The following SYNPR variants were observed in gnomAD, a reference collection of about 807,000 sequenced individuals.
SYNPR encodes the protein synaptoporin.
A neutral mutation model predicts 32.9 loss-of-function variants in SYNPR; 23 were observed. The observed-to-expected ratio is 0.70, with a 90% CI of 0.50 to 0.99. The LOEUF (loss-of-function observed/expected upper bound fraction) is 0.99, where lower values mean the gene tolerates loss of function less well. SYNPR is among the 50% of genes least tolerant of loss of function. SYNPR has a pLI of 0.00. For missense variants in SYNPR, 318 were observed against 349.3 expected (o/e 0.91, Z 0.71); for synonymous variants, 146 against 135.9 (o/e 1.07, Z -0.52).
At chr3:63,599,640 C>T (rs1045187463) in intron 4 of SYNPR, among the ~76,000 whole-genome samples, 2 of 152,080 alleles carry the variant, frequency 1.3e-5, no homozygotes, top group Admixed American at 1.3e-4. Context: ...GTATCCCTGT[C>T]GGTTAAGTGA....
chr3:63,261,101 C>G (rs1261245692), intron 2 of SYNPR, among the ~76,000 whole-genome samples: 1 of 152,112 alleles, frequency 6.6e-6, no homozygotes, highest in Non-Finnish European at 1.5e-5. Flanking sequence ...AATAGGAACA[C>G]TTTTACACTG....
Position 63,447,204 on chromosome 3 carries a change from T to A in SYNPR, c.85-33628T>A, listed in dbSNP as rs1005079621. ...AAATATATTGTGCTCAACCACAGTG[T>A]TCATCAAATATAGACTATCCCTAAA... On this transcript the variant is annotated intron_variant, in intron 2 of 5. Transcript: ENST00000478300. 2.0e-5 allele frequency among the ~76,000 whole-genome samples: 3 copies of A among 152,308 alleles called. No homozygotes were observed. The South Asian group carries it at 6.2e-4, about 32-fold the overall frequency.
intron 2 of SYNPR, among the ~76,000 whole-genome samples, chr3:63,408,346 AAGAAAG>A (rs1379081746): frequency 6.7e-6 from 1 of 148,380 alleles, no homozygotes; most frequent in Non-Finnish European, 1.5e-5. Flanking sequence ...GAAAGAAAGA[AAGAAAG>A]AAAGAAAGAA....
intron 2 of SYNPR, among the ~76,000 whole-genome samples, chr3:63,328,677 A>G (rs555037191): frequency 1.3e-5 from 2 of 152,222 alleles, no homozygotes; most frequent in South Asian, 4.1e-4. Context: ...AAAAATAAAC[A>G]TCCAATTGGA....
At chr3:63,550,519 TAAC>T (rs1246352608) in intron 3 of SYNPR, among the ~76,000 whole-genome samples, 1 of 152,134 alleles carries the variant, frequency 6.6e-6, no homozygotes, top group Non-Finnish European at 1.5e-5. Context: ...TAAGCACAAT[TAAC>T]AATTTCTTTA....
At chr3:63,290,711 A>G (rs951826074) in intron 2 of SYNPR, among the ~76,000 whole-genome samples, 3 of 152,130 alleles carry the variant, frequency 2.0e-5, no homozygotes, top group Non-Finnish European at 2.9e-5. Flanking sequence ...ATGAACATCC[A>G]AATTCCTAAG....
intron 3 of SYNPR, among the ~76,000 whole-genome samples, chr3:63,498,192 G>A (rs899874273): frequency 6.6e-6 from 1 of 152,126 alleles, no homozygotes; most frequent in African/African-American, 2.4e-5. Flanking sequence ...TGCGATCTAA[G>A]GGCACCACCA....
rs1559516294 is a variant in SYNPR at position 63,494,424 on chromosome 3, T to TATATATACAC, written c.209+13475_209+13476insCACATATATA. On this transcript the variant is annotated intron_variant, in intron 3 of 5. Coordinates refer to ENST00000478300, the MANE Select transcript of SYNPR (RefSeq NM_001130003.2). Reference sequence around the variant, plus strand: ...ATATATATATATATATATACGTATATATATATATACGTATATATATATACA... The same window carrying TATATATACAC: ...ATATATATATATATATATACGTATATATATATACACATATATATACGTATATATATATACA... Among the ~76,000 whole-genome samples, 119 of 139,700 alleles carry TATATATACAC rather than the reference T, an allele frequency of 8.5e-4. 1 individual carries two copies. The highest frequency in any genetic ancestry group is 2.9e-3 in the African/African-American group (109 of 37,352). 91.6% of individuals were successfully genotyped at this position (139,700 alleles called of 152,430 possible). A position where few individuals can be genotyped will look rare whatever the true frequency, so the allele number is the denominator to read the frequency against.
chr3:63,611,247 T>C (rs1700192751), intron 5 of SYNPR, among the ~76,000 whole-genome samples: 1 of 152,220 alleles, frequency 6.6e-6, no homozygotes, highest in East Asian at 1.9e-4. Flanking sequence ...ATGAGAGTTC[T>C]AGATGTTCAG....
In SYNPR at chr3:63,512,837, A is replaced by G. The variant is rs146558129; in HGVS notation, c.209+31881A>G. On this transcript the variant is annotated intron_variant, in intron 3 of 5. Transcript: ENST00000478300. The stretch of plus-strand genomic sequence containing the variant: ...TTTTTTAAGCCACTAAGTTTGTGCT[A>G]ATTTGTTCAAGCAGCCACAGAAAAC... 4.2e-3 allele frequency among the ~76,000 whole-genome samples: 640 copies of G among 152,282 alleles called. 4 individuals are homozygous for G. Among genetic ancestry groups the G allele is most frequent in the African/African-American group, 0.015 (611 of 41,568 alleles).
intron 2 of SYNPR, among the ~76,000 whole-genome samples, chr3:63,350,012 T>C (rs1255081156): frequency 6.6e-6 from 1 of 152,214 alleles, no homozygotes; most frequent in Non-Finnish European, 1.5e-5. Context: ...ATTTCTAAAA[T>C]GCAGGTCTTT....
At chr3:63,247,377 T>G (rs2086300330) in intron 1 of SYNPR, among the ~76,000 whole-genome samples, 1 of 152,048 alleles carries the variant, frequency 6.6e-6, no homozygotes, top group South Asian at 2.1e-4. Context: ...AGCCTCCAAG[T>G]AGGATGACAG....
intron 5 of SYNPR, among the ~76,000 whole-genome samples, chr3:63,612,984 T>A (rs1028433791): frequency 1.3e-5 from 2 of 151,192 alleles, no homozygotes; most frequent in Non-Finnish European, 2.9e-5. Context: ...TTTTCTTTTT[T>A]TTTTTGAGAC....
rs536032213 is a variant in SYNPR at position 63,541,004 on chromosome 3, A to C, written c.210-15539A>C. Among the ~76,000 whole-genome samples the C allele has an allele frequency of 7.3e-5, 11 of 150,076 alleles. No homozygotes were observed. In the South Asian group the frequency reaches 2.3e-3, roughly 32 times the overall value. On this transcript the variant is annotated intron_variant, in intron 3 of 5. Transcript: ENST00000478300. ...TGCAGCCTGGCCAATTAGTACATCTATTTCCCTGGCCTTGGTGATTGTTTT... is the reference window on the plus strand; with the variant it reads ...TGCAGCCTGGCCAATTAGTACATCTCTTTCCCTGGCCTTGGTGATTGTTTT...
intron 5 of SYNPR, 30 bp from the exon 6 acceptor site, chr3:63,615,194 A>G (rs1206261315): frequency 6.2e-7 from 1 of 1,605,900 alleles, no homozygotes; most frequent in Non-Finnish European, 8.5e-7. Context: ...TGTCTAGTCT[A>G]TCAATTCATT....
intron 2 of SYNPR, among the ~76,000 whole-genome samples, chr3:63,465,118 C>A (rs902466272): frequency 2.0e-5 from 3 of 152,046 alleles, no homozygotes; most frequent in African/African-American, 7.2e-5. Context: ...TGAAAGATGG[C>A]GAGGATCTTC....
chr3:63,332,637 G>C (rs1188383030), intron 2 of SYNPR, among the ~76,000 whole-genome samples: 1 of 152,092 alleles, frequency 6.6e-6, no homozygotes, highest in Non-Finnish European at 1.5e-5. Context: ...TGATGTCTCA[G>C]GCTTCTTCGA....
chr3:63,588,049 A>C (rs1360402552), intron 4 of SYNPR, among the ~76,000 whole-genome samples: 4 of 152,138 alleles, frequency 2.6e-5, no homozygotes, highest in Admixed American at 1.3e-4. Flanking sequence ...TGAATTGTAT[A>C]ATATTTTAAT....
chr3:63,364,003 C>T (rs571803980), intron 2 of SYNPR, among the ~76,000 whole-genome samples: 23 of 152,310 alleles, frequency 1.5e-4, no homozygotes, highest in African/African-American at 5.1e-4. Flanking sequence ...CCTGACGATG[C>T]AGATCCCCTG....
Sources: allele counts gnomAD v4.1 joint callset (sites outside exome capture counted in the v4.1 genomes callset), GRCh38; gene constraint gnomAD v4.1.1; transcripts MANE v1.5; gene names NCBI Gene and HGNC (gene_info 2026-07-23, HGNC 2026-07-21).